The following AFF3 variants were observed in gnomAD, a reference collection of about 807,000 sequenced individuals.
The protein encoded by AFF3 is ALF transcription elongation factor 3, also known as AF4/FMR2 family member 3.
Under a neutral mutation model 129.7 loss-of-function variants are expected in AFF3, and 32 were observed. The ratio of observed to expected loss-of-function variants is 0.25; its 90% CI spans 0.19 to 0.33. AFF3 has a LOEUF of 0.33. Among genes scored for constraint, AFF3 ranks in the 10% least tolerant of loss-of-function variants. The pLI, the probability that AFF3 is intolerant of heterozygous loss-of-function variation, is 1.00. For missense variants in AFF3, 1,373 were observed against 1,592.0 expected, an observed-to-expected ratio of 0.86 and a Z score of 2.34; for synonymous variants, 644 against 635.4, an observed-to-expected ratio of 1.01 and a Z score of -0.20.
intron 13 of AFF3, among the ~76,000 whole-genome samples, chr2:99,646,476 T>C (rs1171201913): frequency 6.6e-6 from 1 of 152,054 alleles, no homozygotes; most frequent in African/African-American, 2.4e-5. Flanking sequence ...ATTATGAAAT[T>C]TTATATAAAG....
intron 8 of AFF3, among the ~76,000 whole-genome samples, chr2:99,835,905 G>A (rs910290644): frequency 1.1e-4 from 17 of 152,196 alleles, no homozygotes; most frequent in African/African-American, 3.4e-4. Flanking sequence ...GGACTGGGGC[G>A]AGAGGGGCAT....
chr2:100,050,801 G>C (rs1686259144), intron 4 of AFF3, among the ~76,000 whole-genome samples: 2 of 152,194 alleles, frequency 1.3e-5, no homozygotes, highest in South Asian at 4.1e-4. Flanking sequence ...TGCAGATGCA[G>C]ATGGGCTTGA....
At chr2:99,804,255 C>T (rs924729854) in intron 8 of AFF3, among the ~76,000 whole-genome samples, 1 of 152,050 alleles carries the variant, frequency 6.6e-6, no homozygotes, top group Non-Finnish European at 1.5e-5. Context: ...ACCAAATAAT[C>T]CCATCAAAAC....
At chr2:99,581,234 T>C (rs1339874063) in intron 17 of AFF3, among the ~76,000 whole-genome samples, 2 of 152,234 alleles carry the variant, frequency 1.3e-5, no homozygotes. Context: ...CTGCGTATCA[T>C]AGTTGCTCAT....
At chr2:99,864,203 CA>C (rs1212047335) in intron 7 of AFF3, among the ~76,000 whole-genome samples, 2 of 152,218 alleles carry the variant, frequency 1.3e-5, no homozygotes, top group Non-Finnish European at 2.9e-5. Flanking sequence ...AGGCAAAAAA[CA>C]GATGGGGAAT....
At chr2:99,814,751 C>A (rs1687084218) in intron 8 of AFF3, among the ~76,000 whole-genome samples, 1 of 150,402 alleles carries the variant, frequency 6.6e-6, no homozygotes, top group Non-Finnish European at 1.5e-5. Context: ...TGTCCCTCCA[C>A]CCCTCCCAGG....
intron 8 of AFF3, among the ~76,000 whole-genome samples, chr2:99,827,442 G>A (rs1047660440): frequency 2.6e-5 from 4 of 152,074 alleles, no homozygotes; most frequent in African/African-American, 9.7e-5. Context: ...GCCTGCCAGA[G>A]ATCACATGGG....
At chr2:99,974,726 A>G (rs1362275661) in intron 7 of AFF3, among the ~76,000 whole-genome samples, 1 of 152,244 alleles carries the variant, frequency 6.6e-6, no homozygotes, top group East Asian at 1.9e-4. Flanking sequence ...TGAGTATAAA[A>G]CAAATGCAAA....
At chr2:99,673,580 G>A (rs1047065013) in intron 11 of AFF3, among the ~76,000 whole-genome samples, 6 of 152,160 alleles carry the variant, frequency 3.9e-5, no homozygotes, top group Non-Finnish European at 7.3e-5. Flanking sequence ...ACGCAGAGAC[G>A]CTCTGAGGGA....
intron 7 of AFF3, among the ~76,000 whole-genome samples, chr2:100,002,538 G>A (rs1681517086): frequency 6.6e-6 from 1 of 152,104 alleles, no homozygotes; most frequent in Non-Finnish European, 1.5e-5. Flanking sequence ...AACCATAAAT[G>A]GTTTCTCTGT....
chr2:99,589,100 G>C (rs1378518035), intron 15 of AFF3, among the ~76,000 whole-genome samples: 1 of 152,154 alleles, frequency 6.6e-6, no homozygotes, highest in Non-Finnish European at 1.5e-5. Context: ...TTTCCAATCT[G>C]TCTATATATT....
chr2:99,602,097 C>T (rs544221454), intron 13 of AFF3, among the ~76,000 whole-genome samples: 2 of 152,300 alleles, frequency 1.3e-5, no homozygotes, highest in African/African-American at 4.8e-5. Context: ...AGAGGGCTGT[C>T]AGGAAGGGCA....
At chr2:99,753,590 G>A (rs1452769353) in intron 8 of AFF3, among the ~76,000 whole-genome samples, 3 of 152,058 alleles carry the variant, frequency 2.0e-5, no homozygotes, top group Non-Finnish European at 4.4e-5. Context: ...GGGAATGGTC[G>A]GGCACCTTCT....
intron 7 of AFF3, among the ~76,000 whole-genome samples, chr2:99,959,593 C>G (rs977473599): frequency 7.3e-5 from 11 of 151,216 alleles, no homozygotes; most frequent in African/African-American, 2.7e-4. Context: ...TCCTCACAAT[C>G]CCTCTGTTAC....
chr2:99,868,707 T>C (rs1265583329), intron 7 of AFF3, among the ~76,000 whole-genome samples: 1 of 152,140 alleles, frequency 6.6e-6, no homozygotes, highest in Non-Finnish European at 1.5e-5. Context: ...AGGTTACTAT[T>C]CTCTGGGTGG....
At position 99,822,826 on chromosome 2, in the gene AFF3, T is replaced by G. The variant is rs1687790961; in HGVS notation, c.921+14651A>C. Among the ~76,000 whole-genome samples, 3 of 152,242 alleles carry G rather than the reference T, an allele frequency of 2.0e-5. No homozygotes were observed. The South Asian group carries it at 6.2e-4, about 32-fold the overall frequency. ...AGAGCTCCGCTTTTATTTCTTGCCTTTTTCCAGAGTTCGGGGTGGGGGTGT... is the reference window on the plus strand; with the variant it reads ...AGAGCTCCGCTTTTATTTCTTGCCTGTTTCCAGAGTTCGGGGTGGGGGTGT... On this transcript the variant is annotated intron_variant, in intron 8 of 24. Transcript: ENST00000672756.
chr2:99,549,714 T>G lies in AFF3; in HGVS notation c.*1760A>C, dbSNP rs1329589567. ...TCCACAAGCCCTTCTTATTTTCAAT[T>G]AATTTCAAATCATCTAAGTTGTTCA... On this transcript the variant is annotated 3_prime_UTR_variant, in exon 25 of 25. Coordinates refer to ENST00000672756, the MANE Select transcript of AFF3 (RefSeq NM_001386135.1). The G allele has an allele frequency of 9.2e-6, 2 of 218,570 alleles. No individual in the cohort carries two copies. Among genetic ancestry groups the G allele is most frequent in the African/African-American group, 4.5e-5 (2 of 44,556 alleles). The allele number at this position is 218,570 out of a possible 1,614,324, so 13.5% of individuals were successfully genotyped here.
intron 7 of AFF3, among the ~76,000 whole-genome samples, chr2:99,958,313 T>G (rs1351361331): frequency 1.3e-5 from 2 of 151,888 alleles, no homozygotes; most frequent in African/African-American, 2.4e-5. Context: ...GCCAACATGA[T>G]GAAACCCCAT....
intron 7 of AFF3, among the ~76,000 whole-genome samples, chr2:99,928,147 C>T (rs555039188): frequency 2.3e-4 from 35 of 152,228 alleles, no homozygotes; most frequent in Admixed American, 4.6e-4. Flanking sequence ...GTAAACTGCC[C>T]GGTCTCAGGT....
Sources: allele counts gnomAD v4.1 joint callset (sites outside exome capture counted in the v4.1 genomes callset), GRCh38; gene constraint gnomAD v4.1.1; transcripts MANE v1.5; gene names NCBI Gene and HGNC (gene_info 2026-07-23, HGNC 2026-07-21).